MAP7D2: variants seen among roughly 807,000 people sequenced by gnomAD.
MAP7D2 encodes the protein MAP7 domain-containing protein 2.
MAP7D2 carries 33 observed loss-of-function variants against 63.5 expected under a neutral mutation model. The observed-to-expected ratio is 0.52, with a 90% CI of 0.39 to 0.70. MAP7D2 has a LOEUF of 0.70. MAP7D2 is among the 30% of genes least tolerant of loss of function. MAP7D2 has a pLI of 0.00. For missense variants in MAP7D2, 626 were observed against 604.0 expected (o/e 1.04, Z -0.38); for synonymous variants, 224 against 223.7 (o/e 1.00, Z -0.01).
chrX:20,015,566 G>A (rs1313431523), intron 11 of MAP7D2, among the ~76,000 whole-genome samples: 1 of 112,654 alleles, frequency 8.9e-6, no homozygotes. Flanking sequence ...ACATGGCCAA[G>A]GCTTTTCTGT....
At chrX:20,054,210 A>C (rs955796488) in intron 4 of MAP7D2, among the ~76,000 whole-genome samples, 19 of 112,611 alleles carry the variant, frequency 1.7e-4, no homozygotes, top group African/African-American at 5.5e-4. Context: ...AAAACTATTT[A>C]AAGTTGAAAT....
At chrX:20,053,866 CAG>C (rs2065008855) in intron 4 of MAP7D2, among the ~76,000 whole-genome samples, 1 of 111,601 alleles carries the variant, frequency 9.0e-6, no homozygotes, top group Non-Finnish European at 1.9e-5. Flanking sequence ...TTTTTTGAGA[CAG>C]AGTCTTGCTC....
At chrX:20,022,280 G>A (rs2073680493) in intron 10 of MAP7D2, among the ~76,000 whole-genome samples, 1 of 111,944 alleles carries the variant, frequency 8.9e-6, no homozygotes, top group African/African-American at 3.2e-5. Context: ...CTGGTGTCTG[G>A]AGGAAAGCAA....
chrX:20,047,440 G>A (rs1015686674), intron 6 of MAP7D2, among the ~76,000 whole-genome samples: 1 of 111,494 alleles, frequency 9.0e-6, no homozygotes, highest in African/African-American at 3.3e-5. Flanking sequence ...AGCTGTTCTG[G>A]GCCTGAGCTG....
chrX:20,043,092 C>T (rs1303454364), intron 7 of MAP7D2, among the ~76,000 whole-genome samples: 2 of 110,910 alleles, frequency 1.8e-5, no homozygotes, highest in Non-Finnish European at 3.8e-5. Flanking sequence ...AGGGAACAGA[C>T]ATCAGTGCCC....
At chrX:20,022,983 TGTATATTTTG>T (rs2073708358) in intron 10 of MAP7D2, among the ~76,000 whole-genome samples, 1 of 111,224 alleles carries the variant, frequency 9.0e-6, no homozygotes, top group African/African-American at 3.3e-5. Context: ...TTTTACTGAA[TGTATATTTTG>T]GTGGCCACAT....
At chrX:20,073,608 C>A (rs2065564599) in intron 1 of MAP7D2, among the ~76,000 whole-genome samples, 1 of 105,157 alleles carries the variant, frequency 9.5e-6, no homozygotes, top group Non-Finnish European at 2.0e-5. Context: ...TGGCTTACTG[C>A]AAGCTCCACC....
At chrX:20,043,559 C>A (rs1037907438) in intron 7 of MAP7D2, among the ~76,000 whole-genome samples, 1 of 112,023 alleles carries the variant, frequency 8.9e-6, no homozygotes, top group African/African-American at 3.2e-5. Flanking sequence ...TCAGATGAGG[C>A]CCAGCCATGC....
At chrX:20,105,039 CT>C (rs2148548210) in intron 1 of MAP7D2, among the ~76,000 whole-genome samples, 1 of 111,927 alleles carries the variant, frequency 8.9e-6, no homozygotes, top group South Asian at 3.8e-4. Context: ...CAGACGGTTA[CT>C]TCAAGTTAAT....
chrX:20,047,871 GAGAGA>G (rs1489881548), intron 6 of MAP7D2, among the ~76,000 whole-genome samples: 5 of 82,505 alleles, frequency 6.1e-5, no homozygotes, highest in African/African-American at 4.2e-4. Flanking sequence ...AGAAAAGAAA[GAGAGA>G]AAAAAAAGAC....
chrX:20,098,572 G>A (rs1792844915), intron 1 of MAP7D2, among the ~76,000 whole-genome samples: 1 of 110,940 alleles, frequency 9.0e-6, no homozygotes, highest in Non-Finnish European at 1.9e-5. Context: ...GGGGGAGCGG[G>A]TAGCAAGAGG....
intron 1 of MAP7D2, among the ~76,000 whole-genome samples, chrX:20,070,106 G>A (rs1015818303): frequency 3.6e-5 from 4 of 110,465 alleles, no homozygotes; most frequent in Admixed American, 1.9e-4. Context: ...GCGCCACCAC[G>A]CCTGGTTAAC....
chrX:20,051,375 C>T (rs776508217), intron 5 of MAP7D2, among the ~76,000 whole-genome samples: 40 of 110,966 alleles, frequency 3.6e-4, no homozygotes, highest in African/African-American at 1.3e-3. Flanking sequence ...CGTGGCGAAA[C>T]CTCGTCTCTA....
intron 1 of MAP7D2, among the ~76,000 whole-genome samples, chrX:20,096,648 G>C (rs992562604): frequency 4.5e-5 from 5 of 110,169 alleles, no homozygotes; most frequent in African/African-American, 1.7e-4. Context: ...TATTTAGTGG[G>C]TATATGTTGT....
At chrX:20,012,606 C>A in intron 14 of MAP7D2, 71 bp from the exon 15 acceptor site, 1 of 909,129 alleles carries the variant, frequency 1.1e-6, no homozygotes, top group South Asian at 2.8e-5. Flanking sequence ...AAATATAGAT[C>A]AAGGCAATTA....
intron 6 of MAP7D2, among the ~76,000 whole-genome samples, chrX:20,045,829 G>C (rs2064786171): frequency 9.0e-6 from 1 of 111,557 alleles, no homozygotes; most frequent in African/African-American, 3.3e-5. Context: ...AGAGGTAAAA[G>C]TGACCTACGG....
intron 10 of MAP7D2, among the ~76,000 whole-genome samples, chrX:20,016,553 A>G (rs73445229): frequency 0.053 from 6,001 of 112,570 alleles, 402 homozygotes; most frequent in African/African-American, 0.18. Context: ...TAATACAGCA[A>G]TGAATGATGT....
At chrX:20,033,342 T>C (rs1211577363) in intron 8 of MAP7D2, among the ~76,000 whole-genome samples, 1 of 112,018 alleles carries the variant, frequency 8.9e-6, no homozygotes, top group African/African-American at 3.2e-5. Context: ...TTAGAGAATA[T>C]TTCACACTGA....
chrX:20,029,162 G>T (rs1046128522), intron 8 of MAP7D2, among the ~76,000 whole-genome samples: 2 of 112,391 alleles, frequency 1.8e-5, no homozygotes, highest in African/African-American at 6.5e-5. Context: ...CCTGAAGTGT[G>T]CTGGCACTTC....
Sources: allele counts gnomAD v4.1 joint callset (sites outside exome capture counted in the v4.1 genomes callset), GRCh38; gene constraint gnomAD v4.1.1; transcripts MANE v1.5; gene names NCBI Gene and HGNC (gene_info 2026-07-23, HGNC 2026-07-21).